TMEM129: variants seen among roughly 807,000 people sequenced by gnomAD.
TMEM129 encodes E3 ubiquitin-protein ligase TM129.
TMEM129 carries 35 observed loss-of-function variants against 34.1 expected under a neutral mutation model. That is an observed-to-expected ratio of 1.03 (90% CI 0.78 to 1.36). The LOEUF is 1.36. Among genes scored for constraint, TMEM129 ranks in the 40% most tolerant of loss-of-function variants. The pLI is 0.00. For synonymous variants in TMEM129, 239 were observed against 217.3 expected, an observed-to-expected ratio of 1.10 and a Z score of -0.88; for missense variants, 504 against 512.6, an observed-to-expected ratio of 0.98 and a Z score of 0.16.
At chr4:1,717,967 AGGGAGGGCTATGC>A (rs2108673944) in intron 2 of TMEM129, 172 bp downstream of exon 2, 1 of 682,824 alleles carries the variant, frequency 1.5e-6, no homozygotes, top group African/African-American at 1.8e-5. Context: ...GGGGGACCCG[AGGGAGGGCTATGC>A]GGGAGGGCTC....
chr4:1,720,332 G>A lies in TMEM129; in HGVS notation c.205+301C>T, dbSNP rs1013625185. On this transcript the variant is annotated intron_variant, in intron 1 of 3. Coordinates refer to ENST00000382936, the MANE Select transcript of TMEM129 (RefSeq NM_001127266.2). The surrounding 1 kb of genome is among the most constrained non-coding windows in gnomAD (Gnocchi z 4.4). ...TCTCCTGGCCACTGCCCCCAACCAC[G>A]ACAAGCAAGGGCTGCTTGGCCTTGC... is the stretch of plus-strand genomic sequence containing the variant. 7.2e-5 allele frequency among the ~76,000 whole-genome samples: 11 copies of A among 152,224 alleles called. No individual in the cohort carries two copies. The highest frequency in any genetic ancestry group is 1.3e-4 in the Non-Finnish European group (9 of 68,038).
chr4:1,717,878 A>T, intron 2 of TMEM129: 1 of 741,850 alleles, frequency 1.3e-6, no homozygotes. Context: ...GTCCAGCCTG[A>T]GGGCTGCACT....
chr4:1,717,347 C>T lies in TMEM129; in HGVS notation c.922G>A (p.Glu308Lys), dbSNP rs758995703. ...GGGCGGCAGTAACACTGCTGGCACT[C>T]GCCTGTGGCTGCCTCCTGGCAGGTC... ...VKTCQEAATG[E>K]CQQCYCRPMW... Residue 308 changes from glutamate (E) to lysine (K), a missense_variant, in exon 4 of 4, where the codon GAG (glutamate) becomes AAG (lysine). Physicochemically the swap from Glu to Lys is moderately conservative, Grantham distance 56. Transcript: ENST00000382936. 71 of 1,535,138 alleles carry T rather than the reference C, an allele frequency of 4.6e-5. No homozygotes were observed. The African/African-American group carries it at 8.8e-4, about 19-fold the overall frequency.
Position 1,716,761 on chromosome 4 carries a change from A to C in TMEM129, c.*419T>G, listed in dbSNP as rs1006899888. 1.8e-5 allele frequency: 3 copies of C among 167,322 alleles called. No individual in the cohort carries two copies. Among genetic ancestry groups the C allele is most frequent in the Admixed American group, 6.4e-5 (1 of 15,616 alleles). The allele number at this position is 167,322 out of a possible 1,614,324, so 10.4% of individuals were successfully genotyped here. A position where few individuals can be genotyped will look rare whatever the true frequency, so the allele number is the denominator to read the frequency against. On this transcript the variant is annotated 3_prime_UTR_variant, in exon 4 of 4. Transcript: ENST00000382936. ...CCAGGGGCCAGCTCCAGGACAGGGC[A>C]GGAGAATGCGGTCCAGGTCTGGCAC...
At position 1,717,686 on chromosome 4, in the gene TMEM129, G is replaced by A. The variant is rs1474552119; in HGVS notation, c.681-11C>T. 5 of 1,493,268 alleles carry A rather than the reference G, an allele frequency of 3.3e-6. No homozygotes were observed. The highest frequency in any genetic ancestry group is 4.5e-6 in the Non-Finnish European group (5 of 1,115,560). 92.5% of individuals were successfully genotyped at this position (1,493,268 alleles called of 1,614,324 possible). ...TCAGTGGAGTTCAGCCTGCAGGGAG[G>A]AGAGCTGCTGGGCCCCTCTGCAGGG... On this transcript the variant is annotated splice_polypyrimidine_tract_variant and intron_variant, in intron 2 of 3. Coordinates refer to ENST00000382936, the MANE Select transcript of TMEM129 (RefSeq NM_001127266.2).
In TMEM129 at chr4:1,716,977, G is replaced by A; in HGVS notation, c.*203C>T. ...GGAGGTGCCCAGGACTTGTACCCTG[G>A]CTGCCAAGCAGGGTGGGGTGTTTTC... On this transcript the variant is annotated 3_prime_UTR_variant, in exon 4 of 4. Coordinates refer to ENST00000382936, the MANE Select transcript of TMEM129 (RefSeq NM_001127266.2). 2 of 555,550 alleles carry A rather than the reference G, an allele frequency of 3.6e-6. No homozygotes were observed. Among genetic ancestry groups the A allele is most frequent in the East Asian group, 6.9e-5 (2 of 29,094 alleles). The allele number at this position is 555,550 out of a possible 1,614,324, so 34.4% of individuals were successfully genotyped here. A position where few individuals can be genotyped will look rare whatever the true frequency, so the allele number is the denominator to read the frequency against.
intron 1 of TMEM129, among the ~76,000 whole-genome samples, chr4:1,719,395 C>A (rs796494089): frequency 6.6e-6 from 1 of 152,006 alleles, no homozygotes; most frequent in Non-Finnish European, 1.5e-5. Flanking sequence ...CTAAAAAATA[C>A]AAAAAATTAG....
Position 1,717,176 on chromosome 4 carries a change from C to G in TMEM129, c.*4G>C. On this transcript the variant is annotated 3_prime_UTR_variant, in exon 4 of 4. Coordinates refer to ENST00000382936, the MANE Select transcript of TMEM129 (RefSeq NM_001127266.2). ...CACAGAGTCACCTCAAGGCCCCAGC[C>G]CACTCAGCGCACGGTGCACACATCC... The G allele has an allele frequency of 6.9e-7, 1 of 1,440,446 alleles. No individual in the cohort carries two copies. Among genetic ancestry groups the G allele is most frequent in the South Asian group, 1.4e-5 (1 of 70,280 alleles). The allele number at this position is 1,440,446 out of a possible 1,614,324, so 89.2% of individuals were successfully genotyped here.
chr4:1,720,838 C>T lies in TMEM129; in HGVS notation c.-1G>A. 6.4e-7 allele frequency: 1 copy of T among 1,573,114 alleles called. No individual in the cohort carries two copies. Among genetic ancestry groups the T allele is most frequent in the Non-Finnish European group, 8.6e-7 (1 of 1,161,054 alleles). On this transcript the variant is annotated 5_prime_UTR_variant, in exon 1 of 4. Coordinates refer to ENST00000382936, the MANE Select transcript of TMEM129 (RefSeq NM_001127266.2). This position sits in a 1 kb window ranked among gnomAD's most constrained non-coding sequence, Gnocchi z 4.4. ...TGAAGGTCACCTCGGGGCTGTCCAT[C>T]GCGCAGCCGCCGGGAAGCTGTCGAG... is the stretch of plus-strand genomic sequence containing the variant.
rs935427433 is a variant in TMEM129, at chr4:1,721,070, G to C, written c.-233C>G. On this transcript the variant is annotated 5_prime_UTR_variant, in exon 1 of 4. Transcript: ENST00000382936. ...GGACATGGAGTCCCGCCGCCCGGCCGCCCGCGGGGCACTCTAGGGCATGGA... is the reference window on the plus strand; with the variant it reads ...GGACATGGAGTCCCGCCGCCCGGCCCCCCGCGGGGCACTCTAGGGCATGGA... 6.9e-6 allele frequency: 2 copies of C among 287,864 alleles called. No individual in the cohort carries two copies. The highest frequency in any genetic ancestry group is 1.2e-4 in the East Asian group (2 of 16,562). The allele number at this position is 287,864 out of a possible 1,614,324, so 17.8% of individuals were successfully genotyped here. A position where few individuals can be genotyped will look rare whatever the true frequency, so the allele number is the denominator to read the frequency against.
At position 1,717,156 on chromosome 4, in the gene TMEM129, A is replaced by T. The variant is rs2236787; in HGVS notation, c.*24T>A. 496,972 of 1,410,050 alleles carry T rather than the reference A, an allele frequency of 0.35. 92,656 individuals are homozygous for T. Among genetic ancestry groups the T allele is most frequent in the East Asian group, 0.7 (26,237 of 37,564 alleles). The allele number at this position is 1,410,050 out of a possible 1,614,324, so 87.3% of individuals were successfully genotyped here. On this transcript the variant is annotated 3_prime_UTR_variant, in exon 4 of 4. Coordinates refer to ENST00000382936, the MANE Select transcript of TMEM129 (RefSeq NM_001127266.2). ...CCTGTGGCTTTGGGGGGAGACACAGAGTCACCTCAAGGCCCCAGCCCACTC... is the reference window on the plus strand; with the variant it reads ...CCTGTGGCTTTGGGGGGAGACACAGTGTCACCTCAAGGCCCCAGCCCACTC...
chr4:1,719,176 G>T, intron 1 of TMEM129: 1 of 636,708 alleles, frequency 1.6e-6, no homozygotes, highest in Non-Finnish European at 2.6e-6. Context: ...AGTTGCACCA[G>T]CAGGTTCCAG....
intron 2 of TMEM129, chr4:1,717,921 T>G (rs1717058196): frequency 7.4e-6 from 5 of 673,108 alleles, no homozygotes; most frequent in Non-Finnish European, 1.2e-5. Context: ...CTGGGGGAGG[T>G]GGCTCCAGGG....
At chr4:1,718,031 A>G (rs17802841) in intron 2 of TMEM129, 121 bp downstream of exon 2, 147,124 of 942,132 alleles carry the variant, frequency 0.16, 13,060 homozygotes, top group Non-Finnish European at 0.18. Context: ...GGTGTCACAC[A>G]AGCCCAGGAG....
Position 1,720,568 on chromosome 4 carries a change from C to T in TMEM129, c.205+65G>A. 1 of 1,484,470 alleles carries T rather than the reference C, an allele frequency of 6.7e-7. No homozygotes were observed. Among genetic ancestry groups the T allele is most frequent in the Non-Finnish European group, 8.9e-7 (1 of 1,117,776 alleles). 92.0% of individuals were successfully genotyped at this position (1,484,470 alleles called of 1,614,324 possible). ...GGCCTCGGGGAGCTGGCGGAGGCCT[C>T]CTCCTGACCTCCCAGCAAGCCCTGC... On this transcript the variant is annotated intron_variant, in intron 1 of 3. Coordinates refer to ENST00000382936, the MANE Select transcript of TMEM129 (RefSeq NM_001127266.2). This position sits in a 1 kb window ranked among gnomAD's most constrained non-coding sequence, Gnocchi z 4.4.
chr4:1,717,847 G>A (rs569430277), intron 2 of TMEM129, 172 bp from the exon 3 acceptor site: 34 of 882,812 alleles, frequency 3.9e-5, no homozygotes, highest in Middle Eastern at 3.3e-4. Flanking sequence ...GGCACGGGAC[G>A]GACCTAGGAG....
In TMEM129 at chr4:1,721,180, G is replaced by T. The variant is rs1315870277; in HGVS notation, c.-343C>A. On this transcript the variant is annotated 5_prime_UTR_variant, in exon 1 of 4. Coordinates refer to ENST00000382936, the MANE Select transcript of TMEM129 (RefSeq NM_001127266.2). ...GCCTCTCTTCTCGGCCGGCCCTGGAGGCGGCACCGCACCTGTGCATTGAGC... is the reference window on the plus strand; with the variant it reads ...GCCTCTCTTCTCGGCCGGCCCTGGATGCGGCACCGCACCTGTGCATTGAGC... 3 of 194,858 alleles carry T rather than the reference G, an allele frequency of 1.5e-5. No individual in the cohort carries two copies. Among genetic ancestry groups the T allele is most frequent in the African/African-American group, 7.0e-5 (3 of 42,922 alleles). 12.1% of individuals were successfully genotyped at this position (194,858 alleles called of 1,614,324 possible).
chr4:1,718,223 C>A lies in TMEM129; in HGVS notation c.609G>T (p.Ser203=). The change falls in exon 2 of 4, where the codon TCG becomes TCT. Residue 203 remains serine (S), a synonymous_variant. Transcript: ENST00000382936. The stretch of plus-strand genomic sequence containing the variant: ...TGGTGAGGAGCTGCACGGGCAAGTT[C>A]GAGTCTGGCGAGAGCTCATGCTGCC... ...ESRQHELSPD[S]NLPVQLLTIR... 1 of 1,599,378 alleles carries A rather than the reference C, an allele frequency of 6.3e-7. No homozygotes were observed. Among genetic ancestry groups the A allele is most frequent in the East Asian group, 2.3e-5 (1 of 44,106 alleles).
Position 1,718,615 on chromosome 4 carries a change from CCA to C in TMEM129, c.215_216del (p.Val72GlyfsTer19). 5.5e-6 allele frequency: 8 copies of C among 1,454,390 alleles called. No homozygotes were observed. The highest frequency in any genetic ancestry group is 7.3e-6 in the Non-Finnish European group (8 of 1,102,600). The allele number at this position is 1,454,390 out of a possible 1,614,324, so 90.1% of individuals were successfully genotyped here. ...TTTTCTGAAGCCGCAAGGCACATGC[CCA>C]CATAGTAGCCTGCAAAGGACAGGGT... ...CHSLLPLGYY[V>X]GMCLAASEKR... On this transcript the variant is annotated frameshift_variant, in exon 2 of 4. Coordinates refer to ENST00000382936, the MANE Select transcript of TMEM129 (RefSeq NM_001127266.2). LOFTEE classifies it high-confidence loss of function.
Sources: allele counts gnomAD v4.1 joint callset (sites outside exome capture counted in the v4.1 genomes callset), GRCh38; gene constraint gnomAD v4.1.1; non-coding constraint Gnocchi (gnomAD v3.1); transcripts MANE v1.5; gene names NCBI Gene and HGNC (gene_info 2026-07-23, HGNC 2026-07-21).